DNTTIP2: variants seen among roughly 807,000 people sequenced by gnomAD.
The protein encoded by DNTTIP2 is deoxynucleotidyltransferase terminal interacting protein 2.
DNTTIP2 carries 47 observed loss-of-function variants against 62.4 expected under a neutral mutation model. The ratio of observed to expected loss-of-function variants is 0.75; its 90% CI spans 0.60 to 0.96. DNTTIP2 has a LOEUF of 0.96. Among genes scored for constraint, DNTTIP2 ranks in the 40% least tolerant of loss-of-function variants. The pLI is 0.00. For synonymous variants in DNTTIP2, 322 were observed against 300.9 expected (o/e 1.07, Z -0.73); for missense variants, 870 against 849.1 (o/e 1.02, Z -0.31).
rs761595985 is a variant in DNTTIP2, at chr1:93,868,619, T to A, written c.*1232A>T. On this transcript the variant is annotated 3_prime_UTR_variant, in exon 7 of 7. Coordinates refer to ENST00000436063, the MANE Select transcript of DNTTIP2 (RefSeq NM_014597.5). ...ACCCAAATGCCCATGAATGATAGAC[T>A]GGATAAAGAAAATGTGGCACATATA... The A allele has an allele frequency of 6.6e-6, 1 of 152,146 alleles. No individual in the cohort carries two copies. The highest frequency in any genetic ancestry group is 2.1e-4 in the South Asian group (1 of 4,828). The allele number at this position is 152,146 out of a possible 1,614,324, so 9.4% of individuals were successfully genotyped here. A position where few individuals can be genotyped will look rare whatever the true frequency, so the allele number is the denominator to read the frequency against.
rs1376045234 is a variant in DNTTIP2, at chr1:93,877,798, G to A, written c.137C>T (p.Thr46Ile). The A allele has an allele frequency of 6.2e-7, 1 of 1,608,628 alleles. No individual in the cohort carries two copies. The highest frequency in any genetic ancestry group is 1.1e-5 in the South Asian group (1 of 91,074). ...CTTCCCAGTGGTCTGTGATTCAGCA[G>A]TAGTTCGGGCATCAGATCCAGTACT... Reference protein sequence around the residue: ...ESSTGSDARTTAESQTTGKQS... With the variant: ...ESSTGSDARTIAESQTTGKQS... The change falls in exon 2 of 7, where the codon ACT becomes ATT. Residue 46 changes from threonine (T) to isoleucine (I), a missense_variant. Transcript: ENST00000436063.
At chr1:93,878,997 A>G in intron 1 of DNTTIP2, 80 bp downstream of exon 1, 1 of 1,562,118 alleles carries the variant, frequency 6.4e-7, no homozygotes, top group Non-Finnish European at 8.7e-7. Flanking sequence ...CCTCACCCTT[A>G]ACCGGACCCT....
rs7542162 is a variant in DNTTIP2, at chr1:93,876,245, A to G, written c.1667+23T>C. Reference sequence around the variant, plus strand: ...CTTGAAATACATGTATCAAAAACTTATAAAAATAAAGGAAAAACTTACAGT... The same window carrying G: ...CTTGAAATACATGTATCAAAAACTTGTAAAAATAAAGGAAAAACTTACAGT... On this transcript the variant is annotated intron_variant, in intron 2 of 6. Transcript: ENST00000436063. 3.6e-4 allele frequency: 528 copies of G among 1,476,062 alleles called. 4 individuals are homozygous for G. In the African/African-American group the frequency reaches 6.5e-3, roughly 18 times the overall value. The allele number at this position is 1,476,062 out of a possible 1,614,324, so 91.4% of individuals were successfully genotyped here.
rs750261838 is a variant in DNTTIP2 at position 93,876,924 on chromosome 1, CTG to C, written c.1009_1010del (p.Gln337GlufsTer8). ...TTTTATTTTGGGGGGTTGAATGTCT[CTG>C]AGAAACTAACTGTTGAAGGCTAGTG... ...QDTSLQQLVSQRHSTPQNKNA... is the reference protein window; with the variant it reads ...QDTSLQQLVSXRHSTPQNKNA... On this transcript the variant is annotated frameshift_variant, in exon 2 of 7. Coordinates refer to ENST00000436063, the MANE Select transcript of DNTTIP2 (RefSeq NM_014597.5). LOFTEE classifies it high-confidence loss of function. 6.2e-7 allele frequency: 1 copy of C among 1,613,740 alleles called. No individual in the cohort carries two copies. The highest frequency in any genetic ancestry group is 1.1e-5 in the South Asian group (1 of 91,044).
chr1:93,876,247 A>T, intron 2 of DNTTIP2, 21 bp downstream of exon 2: 1 of 1,477,136 alleles, frequency 6.8e-7, no homozygotes, highest in South Asian at 1.4e-5. Flanking sequence ...AAAAACTTAT[A>T]AAAATAAAGG....
Position 93,867,268 on chromosome 1 carries a change from G to T in DNTTIP2, c.*2583C>A, listed in dbSNP as rs983266130. Reference sequence around the variant, plus strand: ...CTCTTTCACCAGCACACCTGACTGTGGCAGCCCTTTGGATTCTTTATACTT... The same window carrying T: ...CTCTTTCACCAGCACACCTGACTGTTGCAGCCCTTTGGATTCTTTATACTT... On this transcript the variant is annotated 3_prime_UTR_variant, in exon 7 of 7. Coordinates refer to ENST00000436063, the MANE Select transcript of DNTTIP2 (RefSeq NM_014597.5). The T allele has an allele frequency of 1.3e-5, 2 of 151,796 alleles. No individual in the cohort carries two copies. Among genetic ancestry groups the T allele is most frequent in the African/African-American group, 2.4e-5 (1 of 41,264 alleles). The allele number at this position is 151,796 out of a possible 1,614,324, so 9.4% of individuals were successfully genotyped here. A position where few individuals can be genotyped will look rare whatever the true frequency, so the allele number is the denominator to read the frequency against.
intron 1 of DNTTIP2, 128 bp from the exon 2 acceptor site, chr1:93,877,990 C>A: frequency 3.0e-6 from 4 of 1,346,130 alleles, no homozygotes; most frequent in South Asian, 1.6e-5. Flanking sequence ...ACAAAAAAAC[C>A]TGCCCAACTC....
intron 1 of DNTTIP2, among the ~76,000 whole-genome samples, chr1:93,878,140 C>T (rs1234543947): frequency 1.3e-5 from 2 of 151,714 alleles, no homozygotes; most frequent in Non-Finnish European, 2.9e-5. Context: ...CCCATCTCTA[C>T]TCAAAGTAAA....
chr1:93,878,459 C>T (rs1349125366), intron 1 of DNTTIP2: 1 of 154,086 alleles, frequency 6.5e-6, no homozygotes, highest in Admixed American at 6.5e-5. Context: ...ACATTCTGAC[C>T]CACCTATAGA....
In DNTTIP2 at chr1:93,873,185, A is replaced by T; in HGVS notation, c.1836T>A (p.Asp612Glu). ...GTGGAACACAGTGGTTTTTTTCAAA[A>T]TCAGGTGTAATGACGGCTTTCTGCA... ...ELLQKAVITP[D>E]FEKNHCVPPY... The change falls in exon 4 of 7, where the codon GAT becomes GAA. Residue 612 changes from aspartate to glutamate, a missense_variant. By Grantham distance (45) the Asp-to-Glu change is conservative (BLOSUM62 2). Coordinates refer to ENST00000436063, the MANE Select transcript of DNTTIP2 (RefSeq NM_014597.5). The T allele has an allele frequency of 6.2e-7, 1 of 1,612,624 alleles. No homozygotes were observed. Among genetic ancestry groups the T allele is most frequent in the Non-Finnish European group, 8.5e-7 (1 of 1,179,274 alleles).
In DNTTIP2 at chr1:93,870,713, TC is replaced by T; in HGVS notation, c.2146del (p.Glu716LysfsTer89). 6.4e-7 allele frequency: 1 copy of T among 1,569,412 alleles called. No homozygotes were observed. Among genetic ancestry groups the T allele is most frequent in the South Asian group, 1.2e-5 (1 of 84,088 alleles). ...GAATTCAGAATCAGCCAGCAGTTCT[TC>T]CACAATAGTTCTTTTCCTTTGCTTC... ...PKKQRKRTIVEELLADSEFRR... is the reference protein window; with the variant it reads ...PKKQRKRTIVXELLADSEFRR... On this transcript the variant is annotated frameshift_variant, in exon 6 of 7. Transcript: ENST00000436063. LOFTEE classifies it high-confidence loss of function.
rs543841452 is a variant in DNTTIP2 at position 93,870,311 on chromosome 1, G to C, written c.2178-367C>G. 4.9e-4 allele frequency among the ~76,000 whole-genome samples: 75 copies of C among 152,270 alleles called. 1 individual carries two copies. The highest frequency in any genetic ancestry group is 9.9e-4 in the Non-Finnish European group (67 of 68,004). On this transcript the variant is annotated intron_variant, in intron 6 of 6. Transcript: ENST00000436063. Reference sequence around the variant, plus strand: ...CACAGTATGATATATATATTTCTTAGAAGCGACCAATGGTTTTCAAAGTGT... The same window carrying C: ...CACAGTATGATATATATATTTCTTACAAGCGACCAATGGTTTTCAAAGTGT...
rs1422464611 is a variant in DNTTIP2 at position 93,866,816 on chromosome 1, AT to A, written c.*3034del. ...AGAACCTAGCCCAGAGCCCAACTTT[AT>A]CAACTGTAGTCTTACAGCATCTACT... is the stretch of plus-strand genomic sequence containing the variant. On this transcript the variant is annotated 3_prime_UTR_variant, in exon 7 of 7. Transcript: ENST00000436063. The A allele has an allele frequency of 6.6e-6, 1 of 152,222 alleles. No homozygotes were observed. Among genetic ancestry groups the A allele is most frequent in the Non-Finnish European group, 1.5e-5 (1 of 68,062 alleles). 9.4% of individuals were successfully genotyped at this position (152,222 alleles called of 1,614,324 possible). A position where few individuals can be genotyped will look rare whatever the true frequency, so the allele number is the denominator to read the frequency against.
chr1:93,878,822 C>T (rs1210078515), intron 1 of DNTTIP2: 1 of 490,484 alleles, frequency 2.0e-6, no homozygotes, highest in East Asian at 3.5e-5. Context: ...TGTGCTTCTG[C>T]ATTAAGGAGT....
chr1:93,878,059 C>G (rs1656061439), intron 1 of DNTTIP2, among the ~76,000 whole-genome samples, 197 bp from the exon 2 acceptor site: 1 of 152,168 alleles, frequency 6.6e-6, no homozygotes, highest in Admixed American at 6.5e-5. Context: ...GTAATCCCAG[C>G]ACTCTGGGAG....
chr1:93,878,717 C>T (rs539843736), intron 1 of DNTTIP2: 1 of 181,264 alleles, frequency 5.5e-6, no homozygotes. Flanking sequence ...GAAAACGAAG[C>T]TTTTTTTCCA....
Position 93,877,744 on chromosome 1 carries a change from G to C in DNTTIP2, c.191C>G (p.Ala64Gly), listed in dbSNP as rs750448037. 1.5e-5 allele frequency: 24 copies of C among 1,613,488 alleles called. No homozygotes were observed. The highest frequency in any genetic ancestry group is 1.9e-5 in the Non-Finnish European group (23 of 1,179,886). The change falls in exon 2 of 7, where the codon GCT (alanine) becomes GGT (glycine). Residue 64 changes from alanine (A) to glycine (G), a missense_variant. By Grantham distance (60) the Ala-to-Gly change is moderately conservative. Transcript: ENST00000436063. ...TGTAGTTCTGCTCTTCCTCTTTCTA[G>C]CTTTAGGAGTTCTAGGGATTAAACT... ...KQSLIPRTPKARKRKSRTTGS... is the reference protein window; with the variant it reads ...KQSLIPRTPKGRKRKSRTTGS...
Position 93,877,377 on chromosome 1 carries a change from A to G in DNTTIP2, c.558T>C (p.Ala186=). The G allele has an allele frequency of 6.2e-7, 1 of 1,613,828 alleles. No homozygotes were observed. Among genetic ancestry groups the G allele is most frequent in the Non-Finnish European group, 8.5e-7 (1 of 1,179,898 alleles). ...ATGAAATGTCTGAGCTTGATGTCTC[A>G]GCATCAGATATAGCTTCTGTATGAG... The part of the protein sequence containing the change: ...QESHTEAISD[A]ETSSSDISFS... Residue 186 remains alanine, a synonymous_variant, in exon 2 of 7, where the codon GCT becomes GCC. Transcript: ENST00000436063.
Position 93,877,132 on chromosome 1 carries a change from T to G in DNTTIP2, c.803A>C (p.Asp268Ala), listed in dbSNP as rs1328654558. Reference sequence around the variant, plus strand: ...ATTTTCTGAACTTCTGTGGGAGAAATCATCATCAAAGTCATTATTATAGAA... The same window carrying G: ...ATTTTCTGAACTTCTGTGGGAGAAAGCATCATCAAAGTCATTATTATAGAA... ...PNFYNNDFDD[D>A]FSHRSSENIL... Residue 268 changes from aspartate (D) to alanine (A), a missense_variant, in exon 2 of 7, where the codon GAT becomes GCT. Coordinates refer to ENST00000436063, the MANE Select transcript of DNTTIP2 (RefSeq NM_014597.5). The G allele has an allele frequency of 1.2e-6, 2 of 1,611,908 alleles. No homozygotes were observed. The highest frequency in any genetic ancestry group is 1.3e-5 in the African/African-American group (1 of 74,874).
Sources: gnomAD v4.1 joint callset for allele counts (sites outside exome capture counted in the v4.1 genomes callset) on GRCh38, gnomAD v4.1.1 for gene constraint, MANE v1.5 for transcripts, NCBI Gene and HGNC (gene_info 2026-07-23, HGNC 2026-07-21) for gene names.